Variants in CMIP observed in about 807,000 individuals in gnomAD.
CMIP encodes C-Maf-inducing protein.
CMIP carries 13 observed loss-of-function variants against 97.3 expected under a neutral mutation model. That is an observed-to-expected ratio of 0.13 (90% CI 0.09 to 0.21). CMIP has a LOEUF of 0.21. Ranked by LOEUF, CMIP falls within the 10% of genes least tolerant of loss-of-function variation. The pLI, the probability that CMIP is intolerant of heterozygous loss-of-function variation, is 1.00. For synonymous variants in CMIP, 538 were observed against 436.3 expected, an observed-to-expected ratio of 1.23 and a Z score of -2.91; for missense variants, 847 against 1,024.9, an observed-to-expected ratio of 0.83 and a Z score of 2.37.
At chr16:81,567,988 G>T (rs1362221360) in intron 1 of CMIP, among the ~76,000 whole-genome samples, 1 of 151,028 alleles carries the variant, frequency 6.6e-6, no homozygotes, top group Admixed American at 6.6e-5. Flanking sequence ...TTCCAGGGAT[G>T]CTGGGAACTG....
chr16:81,703,877 A>C, intron 17 of CMIP, 62 bp from the exon 18 acceptor site: 1 of 1,534,836 alleles, frequency 6.5e-7, no homozygotes, highest in South Asian at 1.2e-5. Context: ...AGGGGATAGG[A>C]GGGCTCAGGG....
intron 1 of CMIP, among the ~76,000 whole-genome samples, chr16:81,551,471 A>G (rs1350982522): frequency 6.6e-6 from 1 of 152,222 alleles, no homozygotes; most frequent in Non-Finnish European, 1.5e-5. Flanking sequence ...AAGCAGAAAA[A>G]TGAAAAAACA....
At chr16:81,626,824 A>T (rs2092077052) in intron 3 of CMIP, among the ~76,000 whole-genome samples, 1 of 105,202 alleles carries the variant, frequency 9.5e-6, no homozygotes, top group Non-Finnish European at 1.9e-5. Context: ...TGTGGGGTGC[A>T]TATGGGGTGA....
intron 1 of CMIP, among the ~76,000 whole-genome samples, chr16:81,474,004 G>A (rs1228352508): frequency 1.3e-5 from 2 of 152,052 alleles, no homozygotes; most frequent in African/African-American, 2.4e-5. Flanking sequence ...TCCCCAGACA[G>A]TTCCGAGGTG....
intron 1 of CMIP, among the ~76,000 whole-genome samples, chr16:81,600,275 GAAAAA>G (rs71146022): frequency 1.2e-5 from 1 of 81,714 alleles, no homozygotes; most frequent in African/African-American, 5.0e-5. Context: ...GACTCCATCT[GAAAAA>G]AAAAAAAAAA....
chr16:81,504,657 A>C (rs1320436783), intron 1 of CMIP, among the ~76,000 whole-genome samples: 1 of 150,040 alleles, frequency 6.7e-6, no homozygotes, highest in Non-Finnish European at 1.5e-5. Context: ...AAAAAAAAAA[A>C]AAAAAAAAAG....
chr16:81,640,479 C>T (rs141948202), intron 3 of CMIP, among the ~76,000 whole-genome samples: 78 of 152,282 alleles, frequency 5.1e-4, no homozygotes, highest in African/African-American at 1.7e-3. Flanking sequence ...TCCTTGCTTG[C>T]TCCTTACAGC....
chr16:81,577,754 C>T (rs111847265), intron 1 of CMIP, among the ~76,000 whole-genome samples: 17 of 145,804 alleles, frequency 1.2e-4, no homozygotes, highest in South Asian at 4.3e-4. Context: ...ATTACCACTA[C>T]GCTATTATCA....
At chr16:81,471,199 C>T (rs1355394063) in intron 1 of CMIP, among the ~76,000 whole-genome samples, 1 of 152,170 alleles carries the variant, frequency 6.6e-6, no homozygotes, top group Admixed American at 6.5e-5. Flanking sequence ...TAAATATACT[C>T]ACATGCGCAC....
chr16:81,489,636 G>T (rs1448950021), intron 1 of CMIP, among the ~76,000 whole-genome samples: 1 of 152,228 alleles, frequency 6.6e-6, no homozygotes, highest in East Asian at 1.9e-4. Context: ...CCAGGACCCA[G>T]CTGTGGGATG....
chr16:81,673,566 C>T (rs746519232), intron 9 of CMIP, among the ~76,000 whole-genome samples: 2 of 152,164 alleles, frequency 1.3e-5, no homozygotes, highest in African/African-American at 4.8e-5. Flanking sequence ...GTGACCACTT[C>T]AGGCAGCTGG....
At chr16:81,656,386 C>G (rs56768462) in intron 4 of CMIP, among the ~76,000 whole-genome samples, 1 of 152,220 alleles carries the variant, frequency 6.6e-6, no homozygotes, top group Admixed American at 6.5e-5. Context: ...CAACACTGTT[C>G]AAATGAGAGG....
At chr16:81,543,748 AAG>A (rs977827060) in intron 1 of CMIP, among the ~76,000 whole-genome samples, 2 of 152,212 alleles carry the variant, frequency 1.3e-5, no homozygotes, top group African/African-American at 4.8e-5. Context: ...TTCTGAAACA[AAG>A]AGAAATTTTT....
chr16:81,643,851 A>C (rs2092333913), intron 3 of CMIP, among the ~76,000 whole-genome samples: 1 of 152,038 alleles, frequency 6.6e-6, no homozygotes, highest in Admixed American at 6.5e-5. Context: ...ATTTTACCTC[A>C]ATGAAGTAAA....
intron 1 of CMIP, among the ~76,000 whole-genome samples, chr16:81,531,782 G>C (rs1261164229): frequency 6.6e-6 from 1 of 152,190 alleles, no homozygotes; most frequent in African/African-American, 2.4e-5. Flanking sequence ...TTCAAACCAT[G>C]TCACCACCAG....
intron 13 of CMIP, 106 bp downstream of exon 13, chr16:81,693,593 C>A: frequency 8.0e-7 from 1 of 1,253,924 alleles, no homozygotes; most frequent in Non-Finnish European, 1.1e-6. Flanking sequence ...GCATTCAGAA[C>A]AGCTTTCAGA....
chr16:81,461,651 C>A (rs139196454), intron 1 of CMIP, among the ~76,000 whole-genome samples: 1 of 152,206 alleles, frequency 6.6e-6, no homozygotes, highest in African/African-American at 2.4e-5. Flanking sequence ...GAAGCCTTCT[C>A]CACACCAGGG....
In CMIP at chr16:81,616,491, G is replaced by C. The variant is rs1347983631; in HGVS notation, c.427-4385G>C. On this transcript the variant is annotated intron_variant, in intron 2 of 20. Transcript: ENST00000537098. The surrounding 1 kb of genome is among the most constrained non-coding windows in gnomAD (Gnocchi z 4.7). Reference sequence around the variant, plus strand: ...CATTTCTCGTGGTGCCTGGTACCGAGTAAGCACCCGTGGTCTGTGGTTGGT... The same window carrying C: ...CATTTCTCGTGGTGCCTGGTACCGACTAAGCACCCGTGGTCTGTGGTTGGT... Among the ~76,000 whole-genome samples the C allele has an allele frequency of 6.6e-6, 1 of 152,246 alleles. No homozygotes were observed. The highest frequency in any genetic ancestry group is 2.4e-5 in the African/African-American group (1 of 41,476).
chr16:81,615,292 G>C (rs903445689), intron 2 of CMIP, among the ~76,000 whole-genome samples: 4 of 50,218 alleles, frequency 8.0e-5, no homozygotes, highest in Non-Finnish European at 1.4e-4. Flanking sequence ...TGTGGTGTGT[G>C]TGCATGTGTA....
Sources: gnomAD v4.1 joint callset for allele counts (sites outside exome capture counted in the v4.1 genomes callset) on GRCh38, gnomAD v4.1.1 for gene constraint, Gnocchi (gnomAD v3.1) non-coding constraint, MANE v1.5 for transcripts, NCBI Gene and HGNC (gene_info 2026-07-23, HGNC 2026-07-21) for gene names.